The following MGAT5 variants were observed in gnomAD, a reference collection of about 807,000 sequenced individuals.
MGAT5 encodes the protein alpha-1,6-mannosylglycoprotein 6-beta-N-acetylglucosaminyltransferase A.
MGAT5 carries 30 observed loss-of-function variants against 94.3 expected under a neutral mutation model. That is an observed-to-expected ratio of 0.32 (90% CI 0.24 to 0.43). The LOEUF is 0.43. MGAT5 is among the 20% of genes least tolerant of loss of function. The pLI is 1.00. For missense variants in MGAT5, 691 were observed against 905.5 expected, an observed-to-expected ratio of 0.76 and a Z score of 3.04; for synonymous variants, 310 against 322.9, an observed-to-expected ratio of 0.96 and a Z score of 0.43.
At chr2:134,151,603 T>C (rs1294162961) in intron 1 of MGAT5, among the ~76,000 whole-genome samples, 15 of 81,018 alleles carry the variant, frequency 1.9e-4, no homozygotes, top group South Asian at 5.3e-4. Flanking sequence ...GGGACCTGCT[T>C]ACCGCCATGG....
Position 134,413,124 on chromosome 2 carries a change from G to T in MGAT5, c.1677+109G>T, listed in dbSNP as rs1362941309. On this transcript the variant is annotated intron_variant, in intron 12 of 15. Coordinates refer to ENST00000281923, the MANE Select transcript of MGAT5 (RefSeq NM_002410.5). ...CTAACATGATTGGGTGGGAGGGTGA[G>T]GGTATAGAGGCTCAGAGAGGCAAAT... 1.1e-5 allele frequency: 14 copies of T among 1,266,134 alleles called. 2 individuals are homozygous for T. The Admixed American group carries it at 2.5e-4, about 23-fold the overall frequency. 78.4% of individuals were successfully genotyped at this position (1,266,134 alleles called of 1,614,324 possible).
In MGAT5 at chr2:134,370,887, T is replaced by G. The variant is rs577623397; in HGVS notation, c.1380+8479T>G. ...TGTTGGCTGCATGCTGACTATAACA[T>G]AACCCCATGTGGCATCCCCTGTGTA... On this transcript the variant is annotated intron_variant, in intron 10 of 15. Transcript: ENST00000281923. Among the ~76,000 whole-genome samples the G allele has an allele frequency of 3.3e-5, 5 of 152,366 alleles. No individual in the cohort carries two copies. The South Asian group carries it at 1.0e-3, about 32-fold the overall frequency.
chr2:134,389,541 G>C (rs1028059234), intron 10 of MGAT5, among the ~76,000 whole-genome samples: 3 of 152,202 alleles, frequency 2.0e-5, no homozygotes, highest in African/African-American at 7.2e-5. Flanking sequence ...AGACCAACCA[G>C]CTAGATAGGT....
At chr2:134,336,450 A>C (rs1452872297) in intron 5 of MGAT5, among the ~76,000 whole-genome samples, 162 bp downstream of exon 5, 1 of 152,168 alleles carries the variant, frequency 6.6e-6, no homozygotes, top group African/African-American at 2.4e-5. Flanking sequence ...TAAATCAGTC[A>C]ACCATTAGCA....
At chr2:134,298,210 C>G (rs1028432019) in intron 2 of MGAT5, among the ~76,000 whole-genome samples, 8 of 152,118 alleles carry the variant, frequency 5.3e-5, no homozygotes, top group African/African-American at 1.4e-4. Flanking sequence ...ATTCTCCTAC[C>G]TCAGCCTCCC....
intron 1 of MGAT5, among the ~76,000 whole-genome samples, chr2:134,160,394 G>A (rs1687676179): frequency 1.3e-5 from 2 of 152,132 alleles, no homozygotes; most frequent in African/African-American, 2.4e-5. Flanking sequence ...GGATGGTCTC[G>A]ACCTCCTGAC....
At chr2:134,366,199 A>G (rs1285866191) in intron 10 of MGAT5, among the ~76,000 whole-genome samples, 1 of 152,242 alleles carries the variant, frequency 6.6e-6, no homozygotes, top group East Asian at 1.9e-4. Context: ...AAGAACAGCA[A>G]TCTGTCCAGT....
At chr2:134,424,576 A>G (rs886437347) in intron 13 of MGAT5, among the ~76,000 whole-genome samples, 2 of 152,316 alleles carry the variant, frequency 1.3e-5, no homozygotes, top group African/African-American at 2.4e-5. Flanking sequence ...AGTCATTCCT[A>G]TGGAAGGGTG....
chr2:134,330,564 T>TGTGTGTGTGTGTGTGTGC (rs1687907575), intron 4 of MGAT5, among the ~76,000 whole-genome samples: 4 of 39,422 alleles, frequency 1.0e-4, no homozygotes, highest in African/African-American at 1.6e-4. Flanking sequence ...AGTGTGTGTG[T>TGTGTGTGTGTGTGTGTGC]GTGTGTGTGT....
intron 10 of MGAT5, among the ~76,000 whole-genome samples, chr2:134,372,945 A>T (rs1680910936): frequency 6.6e-6 from 1 of 152,196 alleles, no homozygotes; most frequent in Admixed American, 6.5e-5. Flanking sequence ...CAGCCAGTGA[A>T]CATCCTGAGG....
intron 2 of MGAT5, among the ~76,000 whole-genome samples, chr2:134,303,786 T>C (rs1686171664): frequency 6.6e-6 from 1 of 152,200 alleles, no homozygotes; most frequent in South Asian, 2.1e-4. Context: ...TTTGGGAATA[T>C]GCTACCTTAA....
intron 1 of MGAT5, among the ~76,000 whole-genome samples, chr2:134,264,843 T>C (rs3791271): frequency 0.074 from 11,208 of 152,292 alleles, 533 homozygotes; most frequent in East Asian, 0.15. Flanking sequence ...CTGTTGTTCA[T>C]GCTCTGCCTC....
intron 11 of MGAT5, among the ~76,000 whole-genome samples, chr2:134,409,239 T>G (rs1683511327): frequency 6.6e-6 from 1 of 152,220 alleles, no homozygotes. Context: ...ATGTACTATC[T>G]CATGTAATCC....
rs1686025424 is a variant in MGAT5 at position 134,450,173 on chromosome 2, C to G, written c.*1326C>G. ...CCCACTGAATCATTGCTGCCATGCT[C>G]TGTACAAGTTTGTAAGTTTCTGAAA... On this transcript the variant is annotated 3_prime_UTR_variant, in exon 16 of 16. Coordinates refer to ENST00000281923, the MANE Select transcript of MGAT5 (RefSeq NM_002410.5). 1 of 152,320 alleles carries G rather than the reference C, an allele frequency of 6.6e-6. No homozygotes were observed. 9.4% of individuals were successfully genotyped at this position (152,320 alleles called of 1,614,324 possible).
At chr2:134,312,211 G>A (rs1374017941) in intron 2 of MGAT5, among the ~76,000 whole-genome samples, 1 of 152,130 alleles carries the variant, frequency 6.6e-6, no homozygotes. Context: ...TCCAACCTAG[G>A]TGACAGAGCC....
At chr2:134,264,025 T>TTTTA in intron 1 of MGAT5, among the ~76,000 whole-genome samples, 1 of 146,452 alleles carries the variant, frequency 6.8e-6, no homozygotes, top group East Asian at 2.0e-4. Context: ...AGGTTTTTTT[T>TTTTA]TTTTTTTTTT....
intron 1 of MGAT5, among the ~76,000 whole-genome samples, chr2:134,146,838 T>A (rs554595859): frequency 1.3e-5 from 2 of 152,292 alleles, no homozygotes; most frequent in East Asian, 3.9e-4. Context: ...TCTTCTGCAT[T>A]TCATTGGAGT....
chr2:134,164,577 A>G (rs1453734360), intron 1 of MGAT5, among the ~76,000 whole-genome samples: 2 of 152,188 alleles, frequency 1.3e-5, no homozygotes, highest in Non-Finnish European at 2.9e-5. Context: ...CCTGAATGCA[A>G]GGGCTTACTA....
At chr2:134,231,414 GT>G (rs1681358830) in intron 1 of MGAT5, 1 of 152,158 alleles carries the variant, frequency 6.6e-6, no homozygotes, top group South Asian at 2.1e-4. Context: ...TACAAAAAGG[GT>G]TTATAACCTA....
Sources: allele counts gnomAD v4.1 joint callset (sites outside exome capture counted in the v4.1 genomes callset), GRCh38; gene constraint gnomAD v4.1.1; transcripts MANE v1.5; gene names NCBI Gene and HGNC (gene_info 2026-07-23, HGNC 2026-07-21).